The following CNTNAP2 variants were observed in gnomAD, a reference collection of about 807,000 sequenced individuals.
CNTNAP2 encodes contactin-associated protein-like 2.
CNTNAP2 carries 98 observed loss-of-function variants against 155.2 expected under a neutral mutation model. The ratio of observed to expected loss-of-function variants is 0.63; its 90% confidence interval spans 0.54 to 0.75. CNTNAP2 has a LOEUF of 0.75. Among genes scored for constraint, CNTNAP2 ranks in the 30% least tolerant of loss-of-function variants. The pLI is 0.00. For missense variants in CNTNAP2, 1,727 were observed against 1,688.1 expected, an observed-to-expected ratio of 1.02 and a Z score of -0.40; for synonymous variants, 651 against 631.2, an observed-to-expected ratio of 1.03 and a Z score of -0.47.
chr7:146,339,252 T>G (rs1343344321), intron 1 of CNTNAP2, among the ~76,000 whole-genome samples: 1 of 151,720 alleles, frequency 6.6e-6, no homozygotes, highest in Non-Finnish European at 1.5e-5. Context: ...TGTACACATA[T>G]GCGTGTACAT....
At chr7:147,752,202 C>T (rs2116504837) in intron 13 of CNTNAP2, among the ~76,000 whole-genome samples, 1 of 152,292 alleles carries the variant, frequency 6.6e-6, no homozygotes, top group African/African-American at 2.4e-5. Context: ...ACAGAAGGAA[C>T]ATATTATTGA....
intron 8 of CNTNAP2, among the ~76,000 whole-genome samples, chr7:147,189,987 A>T (rs994669600): frequency 3.3e-5 from 5 of 151,730 alleles, no homozygotes; most frequent in Admixed American, 6.6e-5. Flanking sequence ...CTCGTGATCC[A>T]CCCGCCTCGG....
intron 13 of CNTNAP2, among the ~76,000 whole-genome samples, chr7:147,667,683 G>C (rs1436581218): frequency 6.6e-6 from 1 of 151,834 alleles, no homozygotes; most frequent in African/African-American, 2.4e-5. Flanking sequence ...CAATATCAAA[G>C]TAATGTTTTT....
chr7:147,121,752 C>T (rs1229964127), intron 6 of CNTNAP2: 5 of 152,300 alleles, frequency 3.3e-5, no homozygotes, highest in Non-Finnish European at 7.3e-5. Flanking sequence ...AATCAATGAT[C>T]ACGTTTATAT....
At chr7:146,196,195 A>C (rs1383936179) in intron 1 of CNTNAP2, among the ~76,000 whole-genome samples, 1 of 152,232 alleles carries the variant, frequency 6.6e-6, no homozygotes, top group East Asian at 1.9e-4. Flanking sequence ...TAACCTTAAA[A>C]GACATTTGAC....
intron 12 of CNTNAP2, among the ~76,000 whole-genome samples, chr7:147,624,843 T>C (rs973785918): frequency 6.6e-6 from 1 of 152,118 alleles, no homozygotes; most frequent in South Asian, 2.1e-4. Flanking sequence ...TAGCCAAGAT[T>C]TGGAAGCAAC....
At chr7:146,689,856 G>A (rs1800667455) in intron 1 of CNTNAP2, among the ~76,000 whole-genome samples, 1 of 151,892 alleles carries the variant, frequency 6.6e-6, no homozygotes, top group South Asian at 2.1e-4. Context: ...TCTTTCTTTT[G>A]TAAAAGAGAG....
chr7:147,920,797 G>T (rs1172187940), intron 14 of CNTNAP2, among the ~76,000 whole-genome samples: 3 of 146,124 alleles, frequency 2.1e-5, no homozygotes, highest in African/African-American at 7.7e-5. Flanking sequence ...ATGTGCTTCT[G>T]CTCCTGTCTT....
chr7:147,104,157 T>TA (rs1286250941), intron 4 of CNTNAP2, among the ~76,000 whole-genome samples: 2 of 152,066 alleles, frequency 1.3e-5, no homozygotes, highest in Non-Finnish European at 2.9e-5. Context: ...GGGTGAAACA[T>TA]ATGAGAATTC....
intron 1 of CNTNAP2, among the ~76,000 whole-genome samples, chr7:146,630,326 C>T (rs531816105): frequency 1.4e-4 from 22 of 152,122 alleles, no homozygotes; most frequent in South Asian, 1.2e-3. Flanking sequence ...TCCTTTTTTA[C>T]GGCTGCATAG....
At chr7:147,327,597 C>A (rs376262112) in intron 9 of CNTNAP2, among the ~76,000 whole-genome samples, 4 of 152,144 alleles carry the variant, frequency 2.6e-5, no homozygotes, top group African/African-American at 9.7e-5. Context: ...TGTGGGAAAG[C>A]TGTTCTGCAT....
intron 9 of CNTNAP2, among the ~76,000 whole-genome samples, chr7:147,317,063 C>T (rs562670090): frequency 2.6e-5 from 4 of 152,204 alleles, no homozygotes; most frequent in Admixed American, 6.6e-5. Context: ...CAGTCCTTCA[C>T]CCAATCCTAT....
At chr7:147,253,675 C>T (rs1339782037) in intron 8 of CNTNAP2, among the ~76,000 whole-genome samples, 1 of 152,108 alleles carries the variant, frequency 6.6e-6, no homozygotes, top group East Asian at 1.9e-4. Context: ...AAGTGAATCC[C>T]GTGATCTTAG....
chr7:146,629,318 T>A (rs1020635499), intron 1 of CNTNAP2, among the ~76,000 whole-genome samples: 2 of 152,188 alleles, frequency 1.3e-5, no homozygotes, highest in Non-Finnish European at 2.9e-5. Flanking sequence ...GTCTTTGTCA[T>A]AATATTTGTC....
At chr7:146,566,778 T>G (rs896214581) in intron 1 of CNTNAP2, among the ~76,000 whole-genome samples, 3 of 152,122 alleles carry the variant, frequency 2.0e-5, no homozygotes, top group Admixed American at 1.3e-4. Flanking sequence ...ACAAGTAACC[T>G]AGTTGGATTA....
chr7:147,640,473 C>T (rs535735288), intron 13 of CNTNAP2, among the ~76,000 whole-genome samples: 1 of 152,120 alleles, frequency 6.6e-6, no homozygotes, highest in Admixed American at 6.5e-5. Flanking sequence ...TGATAAGTAG[C>T]AAGTAGTATA....
At chr7:147,159,820 A>G in intron 8 of CNTNAP2, among the ~76,000 whole-genome samples, 1 of 152,190 alleles carries the variant, frequency 6.6e-6, no homozygotes. Context: ...TGAGGAGGGC[A>G]TATCACTGCC....
chr7:147,103,980 T>G (rs1800704732), intron 4 of CNTNAP2, among the ~76,000 whole-genome samples: 1 of 152,052 alleles, frequency 6.6e-6, no homozygotes, highest in African/African-American at 2.4e-5. Context: ...CATAACTAAA[T>G]GCAATCTGAG....
At chr7:147,154,638 A>G (rs1801888674) in intron 8 of CNTNAP2, among the ~76,000 whole-genome samples, 1 of 152,110 alleles carries the variant, frequency 6.6e-6, no homozygotes. Flanking sequence ...TGTCATTACC[A>G]CTTCTCACAA....
Sources: gnomAD v4.1 joint callset for allele counts (sites outside exome capture counted in the v4.1 genomes callset) on GRCh38, gnomAD v4.1.1 for gene constraint, MANE v1.5 for transcripts, NCBI Gene and HGNC (gene_info 2026-07-23, HGNC 2026-07-21) for gene names.